The following NALF1 variants were observed in gnomAD, a reference collection of about 807,000 sequenced individuals.
NALF1 encodes the protein NALCN channel auxiliary factor 1.
NALF1 carries 3 observed loss-of-function variants against 48.4 expected under a neutral mutation model. The observed-to-expected ratio is 0.06, with a 90% confidence interval of 0.03 to 0.16. The LOEUF is 0.16. Among genes scored for constraint, NALF1 ranks in the 10% least tolerant of loss-of-function variants. The pLI is 1.00. For missense variants in NALF1, 526 were observed against 571.5 expected (o/e 0.92, Z 0.81); for synonymous variants, 262 against 245.7 (o/e 1.07, Z -0.62).
At position 107,163,721 on chromosome 13, in the gene NALF1, T is replaced by A. The variant is rs1289618018; in HGVS notation, c.*6776A>T. The stretch of plus-strand genomic sequence containing the variant: ...CTTGAGTACATTCAGAAAAACAATT[T>A]AAAAATAATACATGAGTTTATACAG... On this transcript the variant is annotated 3_prime_UTR_variant, in exon 3 of 3. Coordinates refer to ENST00000375915, the MANE Select transcript of NALF1 (RefSeq NM_001080396.3). 6.6e-6 allele frequency: 1 copy of A among 152,154 alleles called. No individual in the cohort carries two copies. Among genetic ancestry groups the A allele is most frequent in the East Asian group, 1.9e-4 (1 of 5,198 alleles). The allele number at this position is 152,154 out of a possible 1,614,324, so 9.4% of individuals were successfully genotyped here.
chr13:107,487,174 A>G (rs1370390290), intron 1 of NALF1, among the ~76,000 whole-genome samples: 1 of 152,166 alleles, frequency 6.6e-6, no homozygotes, highest in Non-Finnish European at 1.5e-5. Context: ...TTGCCACAAC[A>G]CATACAATGT....
chr13:107,672,682 A>T (rs569502945), intron 1 of NALF1, among the ~76,000 whole-genome samples: 1 of 152,226 alleles, frequency 6.6e-6, no homozygotes, highest in East Asian at 1.9e-4. Flanking sequence ...TCTTCTCTTT[A>T]CTATAATCAT....
At chr13:107,268,194 T>C (rs1280382158) in intron 1 of NALF1, among the ~76,000 whole-genome samples, 1 of 152,122 alleles carries the variant, frequency 6.6e-6, no homozygotes, top group Middle Eastern at 3.2e-3. Flanking sequence ...TTTACCATGT[T>C]GGCCAGGATG....
In NALF1 at chr13:107,174,650, C is replaced by T. The variant is rs961328791; in HGVS notation, c.1088-3864G>A. ...GAATACAGGCTTGAGCCACCGTGCC[C>T]GGCCAGGATGGAGGAACTTTTGAAA... is the stretch of plus-strand genomic sequence containing the variant. On this transcript the variant is annotated intron_variant, in intron 2 of 2. Transcript: ENST00000375915. Among the ~76,000 whole-genome samples the T allele has an allele frequency of 4.6e-5, 7 of 152,104 alleles. No homozygotes were observed. The East Asian group carries it at 1.4e-3, about 30-fold the overall frequency.
At chr13:107,552,465 T>C (rs933251667) in intron 1 of NALF1, among the ~76,000 whole-genome samples, 5 of 152,182 alleles carry the variant, frequency 3.3e-5, no homozygotes, top group African/African-American at 4.8e-5. Flanking sequence ...TTTCCTTCTT[T>C]ACAGGGGAGA....
chr13:107,492,504 C>A (rs1875175463), intron 1 of NALF1, among the ~76,000 whole-genome samples: 1 of 152,134 alleles, frequency 6.6e-6, no homozygotes. Flanking sequence ...ATTTCTCATT[C>A]TATAAACCCT....
chr13:107,431,632 C>T (rs553345474), intron 1 of NALF1, among the ~76,000 whole-genome samples: 2 of 152,328 alleles, frequency 1.3e-5, no homozygotes, highest in East Asian at 3.9e-4. Flanking sequence ...GTGAGGGATG[C>T]TAGCCCGTCA....
chr13:107,712,814 A>G (rs1425199816), intron 1 of NALF1, among the ~76,000 whole-genome samples: 3 of 152,228 alleles, frequency 2.0e-5, no homozygotes, highest in Non-Finnish European at 4.4e-5. Flanking sequence ...TTGTTGCCTC[A>G]TAACAGCTGC....
chr13:107,471,171 C>T (rs1484040856), intron 1 of NALF1, among the ~76,000 whole-genome samples: 1 of 152,118 alleles, frequency 6.6e-6, no homozygotes, highest in Non-Finnish European at 1.5e-5. Flanking sequence ...CATGTGTGTG[C>T]GCATAACGCT....
In NALF1 at chr13:107,842,465, G is replaced by A. The variant is rs543178759; in HGVS notation, c.915+23217C>T. Among the ~76,000 whole-genome samples the A allele has an allele frequency of 1.3e-4, 20 of 151,560 alleles. No individual in the cohort carries two copies. In the South Asian group the frequency reaches 3.7e-3, roughly 28 times the overall value. ...GATTAAAAGTAAATTACCTAAAAAG[G>A]TTAAGGGTATAAATTTGTACATTAA... On this transcript the variant is annotated intron_variant, in intron 1 of 2. Coordinates refer to ENST00000375915, the MANE Select transcript of NALF1 (RefSeq NM_001080396.3).
chr13:107,616,771 G>C (rs1240291484), intron 1 of NALF1, among the ~76,000 whole-genome samples: 1 of 152,094 alleles, frequency 6.6e-6, no homozygotes, highest in Non-Finnish European at 1.5e-5. Context: ...ATGCAGCCCA[G>C]TACTCCCCAC....
At chr13:107,465,518 G>A (rs1036497449) in intron 1 of NALF1, among the ~76,000 whole-genome samples, 4 of 152,040 alleles carry the variant, frequency 2.6e-5, no homozygotes, top group African/African-American at 9.7e-5. Context: ...GTAGTTCAGA[G>A]GAGATCTATC....
In NALF1 at chr13:107,355,834, T is replaced by G. The variant is rs374215479; in HGVS notation, c.916-145079A>C. ...TTATAACAGTGTGAGAATGGACTAATACACCTGTGCAGAAAATGTTGACTG... is the reference window on the plus strand; with the variant it reads ...TTATAACAGTGTGAGAATGGACTAAGACACCTGTGCAGAAAATGTTGACTG... On this transcript the variant is annotated intron_variant, in intron 1 of 2. Transcript: ENST00000375915. Among the ~76,000 whole-genome samples, 24 of 152,272 alleles carry G rather than the reference T, an allele frequency of 1.6e-4. No individual in the cohort carries two copies. In the East Asian group the frequency reaches 3.3e-3, roughly 21 times the overall value.
intron 1 of NALF1, among the ~76,000 whole-genome samples, chr13:107,796,030 C>A (rs1340956048): frequency 1.3e-5 from 2 of 152,050 alleles, no homozygotes; most frequent in Non-Finnish European, 2.9e-5. Context: ...TATTGTAGTC[C>A]TAAGCCACGA....
intron 1 of NALF1, among the ~76,000 whole-genome samples, chr13:107,476,021 G>C (rs557012159): frequency 2.1e-4 from 32 of 152,238 alleles, no homozygotes; most frequent in African/African-American, 7.7e-4. Context: ...TTGAGAAGAA[G>C]AGATTTAAGG....
intron 1 of NALF1, among the ~76,000 whole-genome samples, chr13:107,503,291 C>CA (rs57318956): frequency 0.31 from 46,749 of 150,812 alleles, 7,395 homozygotes; most frequent in Non-Finnish European, 0.34. Flanking sequence ...TGTAAGTTTT[C>CA]AAAAAAAAAT....
intron 1 of NALF1, among the ~76,000 whole-genome samples, chr13:107,483,677 A>AT (rs1885286592): frequency 3.3e-5 from 5 of 152,082 alleles, no homozygotes; most frequent in Non-Finnish European, 7.4e-5. Context: ...TTAGATGTGA[A>AT]TAAGATTTAC....
intron 1 of NALF1, among the ~76,000 whole-genome samples, chr13:107,749,258 G>C (rs1469724060): frequency 6.6e-6 from 1 of 151,622 alleles, no homozygotes; most frequent in Non-Finnish European, 1.5e-5. Flanking sequence ...TGCATTTTAA[G>C]GCAGTTTTCT....
chr13:107,445,235 C>T (rs1304348061), intron 1 of NALF1, among the ~76,000 whole-genome samples: 1 of 152,202 alleles, frequency 6.6e-6, no homozygotes, highest in Non-Finnish European at 1.5e-5. Context: ...TAGCTCTTTA[C>T]AGCCACCCTC....
Sources: allele counts gnomAD v4.1 joint callset (sites outside exome capture counted in the v4.1 genomes callset), GRCh38; gene constraint gnomAD v4.1.1; transcripts MANE v1.5; gene names NCBI Gene and HGNC (gene_info 2026-07-23, HGNC 2026-07-21).